Variants in OSBPL8 observed in about 807,000 individuals in gnomAD.
OSBPL8 encodes oxysterol binding protein like 8.
Under a neutral mutation model 125.5 loss-of-function variants are expected in OSBPL8, and 59 were observed. The observed-to-expected ratio is 0.47, with a 90% CI of 0.38 to 0.58. OSBPL8 has a LOEUF of 0.58. Among genes scored for constraint, OSBPL8 ranks in the 20% least tolerant of loss-of-function variants. The pLI, the probability that OSBPL8 is intolerant of heterozygous loss-of-function variation, is 0.00. For missense variants in OSBPL8, 758 were observed against 1,047.8 expected (o/e 0.72, Z 3.82); for synonymous variants, 330 against 338.9 (o/e 0.97, Z 0.29).
At chr12:76,522,342 TTAGA>T (rs1350528032) in intron 1 of OSBPL8, among the ~76,000 whole-genome samples, 5 of 151,886 alleles carry the variant, frequency 3.3e-5, no homozygotes, top group Non-Finnish European at 7.4e-5. Flanking sequence ...ATGCTATGGT[TTAGA>T]TATAGTTTGC....
chr12:76,529,359 G>C (rs1379340171), intron 1 of OSBPL8, among the ~76,000 whole-genome samples: 1 of 151,996 alleles, frequency 6.6e-6, no homozygotes, highest in Non-Finnish European at 1.5e-5. Context: ...CAAATCAGTT[G>C]GTGAGTGGAT....
rs566702109 is a variant in OSBPL8, at chr12:76,366,095, C to T, written c.2328+3119G>A. Among the ~76,000 whole-genome samples the T allele has an allele frequency of 3.8e-4, 58 of 152,222 alleles. 1 individual carries two copies. The highest frequency in any genetic ancestry group is 3.4e-3 in the Middle Eastern group (1 of 294). On this transcript the variant is annotated intron_variant, in intron 21 of 23. Coordinates refer to ENST00000261183, the MANE Select transcript of OSBPL8 (RefSeq NM_020841.5). The stretch of plus-strand genomic sequence containing the variant: ...GCTTTGGCATTAGGGTAATGTTAGC[C>T]TCAGAGAATAAGTTAGGAAATGTTC...
chr12:76,363,142 A>T (rs374411493), intron 21 of OSBPL8, among the ~76,000 whole-genome samples: 2 of 152,252 alleles, frequency 1.3e-5, no homozygotes, highest in East Asian at 3.8e-4. Context: ...ATACCCCTCA[A>T]GCTACCACTG....
chr12:76,496,117 C>T (rs955380716), intron 1 of OSBPL8, among the ~76,000 whole-genome samples: 1 of 152,240 alleles, frequency 6.6e-6, no homozygotes, highest in Admixed American at 6.5e-5. Flanking sequence ...TTTAACGACA[C>T]ATTCTTATTC....
At chr12:76,409,062 C>T (rs564070092) in intron 5 of OSBPL8, among the ~76,000 whole-genome samples, 1 of 151,892 alleles carries the variant, frequency 6.6e-6, no homozygotes, top group East Asian at 1.9e-4. Context: ...AAATTATTTC[C>T]TACTTTCTTT....
chr12:76,419,581 T>G (rs1869209828), intron 4 of OSBPL8, among the ~76,000 whole-genome samples: 1 of 152,164 alleles, frequency 6.6e-6, no homozygotes, highest in South Asian at 2.1e-4. Flanking sequence ...GGGAAAGGCT[T>G]GAAAGTGATA....
chr12:76,441,934 C>T (rs1188964065), intron 4 of OSBPL8, among the ~76,000 whole-genome samples: 2 of 152,058 alleles, frequency 1.3e-5, no homozygotes, highest in South Asian at 2.1e-4. Flanking sequence ...GTAACTAAAA[C>T]AGTATAATTG....
chr12:76,484,470 G>T (rs1877908591), intron 2 of OSBPL8, among the ~76,000 whole-genome samples: 1 of 152,158 alleles, frequency 6.6e-6, no homozygotes, highest in African/African-American at 2.4e-5. Context: ...AATAAAAATA[G>T]TTGCTTTTAT....
At chr12:76,463,149 A>G (rs904130887) in intron 2 of OSBPL8, among the ~76,000 whole-genome samples, 2 of 152,232 alleles carry the variant, frequency 1.3e-5, no homozygotes, top group Admixed American at 6.5e-5. Context: ...GGTTACCACT[A>G]TAATCTAGGA....
intron 16 of OSBPL8, among the ~76,000 whole-genome samples, chr12:76,377,972 G>GTAA (rs1952893690): frequency 6.6e-6 from 1 of 152,150 alleles, no homozygotes; most frequent in Non-Finnish European, 1.5e-5. Flanking sequence ...CAATTATTAT[G>GTAA]TAATACCCTT....
rs770280144 is a variant in OSBPL8 at position 76,369,292 on chromosome 12, T to C, written c.2250A>G (p.Pro750=). 9 of 1,603,914 alleles carry C rather than the reference T, an allele frequency of 5.6e-6. No homozygotes were observed. Among genetic ancestry groups the C allele is most frequent in the Middle Eastern group, 1.7e-4 (1 of 5,984 alleles). Reference sequence around the variant, plus strand: ...GTATCATATCATTAAGTGGGTCCCATGGTCGGGTACTACATAAATGAAAAA... The same window carrying C: ...GTATCATATCATTAAGTGGGTCCCACGGTCGGGTACTACATAAATGAAAAA... ...EWHYKFADTR[P]WDPLNDMIQF... The change falls in exon 21 of 24, where the codon CCA becomes CCG. Residue 750 remains proline (P), a synonymous_variant. Transcript: ENST00000261183.
At chr12:76,530,204 G>A (rs1051063408) in intron 1 of OSBPL8, among the ~76,000 whole-genome samples, 3 of 148,202 alleles carry the variant, frequency 2.0e-5, no homozygotes, top group African/African-American at 5.0e-5. Context: ...CTATAGGCAC[G>A]TGCCACCGGG....
At chr12:76,386,727 A>G in intron 12 of OSBPL8, 67 bp from the exon 13 acceptor site, 2 of 1,091,778 alleles carry the variant, frequency 1.8e-6, no homozygotes, top group Non-Finnish European at 2.7e-6. Flanking sequence ...ACATTTATTA[A>G]CCAATAACCG....
rs185592217 is a variant in OSBPL8 at position 76,352,327 on chromosome 12, T to C, written c.*3562A>G. On this transcript the variant is annotated 3_prime_UTR_variant, in exon 24 of 24. Coordinates refer to ENST00000261183, the MANE Select transcript of OSBPL8 (RefSeq NM_020841.5). ...TTTCACGTGGCTCTTCTAAATATAT[T>C]AATCATATTAATAAGACACTGGTCC... 2 of 152,674 alleles carry C rather than the reference T, an allele frequency of 1.3e-5. No homozygotes were observed. The highest frequency in any genetic ancestry group is 4.8e-5 in the African/African-American group (2 of 41,572). The allele number at this position is 152,674 out of a possible 1,614,324, so 9.5% of individuals were successfully genotyped here.
At chr12:76,515,548 C>T (rs1478346669) in intron 1 of OSBPL8, among the ~76,000 whole-genome samples, 1 of 152,180 alleles carries the variant, frequency 6.6e-6, no homozygotes, top group African/African-American at 2.4e-5. Context: ...CAGCCACGTT[C>T]CCTCTCAACA....
chr12:76,468,455 T>C (rs542413317), intron 2 of OSBPL8, among the ~76,000 whole-genome samples: 6 of 152,332 alleles, frequency 3.9e-5, no homozygotes, highest in Admixed American at 1.3e-4. Flanking sequence ...TCCTACTCAA[T>C]AGCTTGAAAT....
At chr12:76,396,710 T>A (rs569482357) in intron 8 of OSBPL8, among the ~76,000 whole-genome samples, 12 of 152,178 alleles carry the variant, frequency 7.9e-5, no homozygotes, top group African/African-American at 2.6e-4. Context: ...GCAATGATCA[T>A]GCCACTGCAG....
At chr12:76,465,985 G>C (rs770812871) in intron 2 of OSBPL8, among the ~76,000 whole-genome samples, 44 of 151,690 alleles carry the variant, frequency 2.9e-4, no homozygotes, top group Non-Finnish European at 5.6e-4. Flanking sequence ...CTGGGCAAAA[G>C]AGCAAGACTC....
intron 1 of OSBPL8, among the ~76,000 whole-genome samples, chr12:76,489,341 T>A (rs1265127227): frequency 6.6e-6 from 1 of 152,214 alleles, no homozygotes; most frequent in Non-Finnish European, 1.5e-5. Context: ...GAAGATGCCA[T>A]TAAGGACTTT....
Sources: allele counts gnomAD v4.1 joint callset (sites outside exome capture counted in the v4.1 genomes callset), GRCh38; gene constraint gnomAD v4.1.1; transcripts MANE v1.5; gene names NCBI Gene and HGNC (gene_info 2026-07-23, HGNC 2026-07-21).